DGKB: variants seen among roughly 807,000 people sequenced by gnomAD.
DGKB encodes the protein 90 kDa diacylglycerol kinase.
In DGKB, 67 loss-of-function variants were observed where a neutral mutation model predicts 114.3. That is an observed-to-expected ratio of 0.59 (90% CI 0.48 to 0.72). The LOEUF (loss-of-function observed/expected upper bound fraction) is 0.72, where lower values mean the gene tolerates loss of function less well. DGKB is among the 30% of genes least tolerant of loss of function. The pLI is 0.00. For synonymous variants in DGKB, 398 were observed against 323.1 expected (o/e 1.23, Z -2.49); for missense variants, 907 against 975.2 (o/e 0.93, Z 0.93).
intron 23 of DGKB, among the ~76,000 whole-genome samples, chr7:14,286,349 C>T (rs1306644907): frequency 6.6e-6 from 1 of 152,056 alleles, no homozygotes; most frequent in Non-Finnish European, 1.5e-5. Flanking sequence ...CACATGTTAG[C>T]ATGGTGACGA....
At chr7:14,267,152 G>C (rs527852644) in intron 23 of DGKB, among the ~76,000 whole-genome samples, 1 of 152,296 alleles carries the variant, frequency 6.6e-6, no homozygotes, top group African/African-American at 2.4e-5. Flanking sequence ...TTCTATGACT[G>C]CTTTGACCAA....
At position 14,629,832 on chromosome 7, in the gene DGKB, C is replaced by T. The variant is rs571740417; in HGVS notation, c.1167+404G>A. ...TTCAAAGTAAGCAAGAGTCTCTCAA[C>T]ATACTGCCATTGAAACTTATATTTT... On this transcript the variant is annotated intron_variant, in intron 14 of 25. Transcript: ENST00000402815. 1.3e-5 allele frequency among the ~76,000 whole-genome samples: 2 copies of T among 152,156 alleles called. 1 individual carries two copies. Among genetic ancestry groups the T allele is most frequent in the South Asian group, 4.1e-4 (2 of 4,820 alleles).
intron 25 of DGKB, among the ~76,000 whole-genome samples, chr7:14,157,785 C>T (rs1783238587): frequency 6.6e-6 from 1 of 152,136 alleles, no homozygotes; most frequent in South Asian, 2.1e-4. Context: ...CAATTTTAAA[C>T]CAGTAACTGT....
chr7:14,917,790 T>A (rs139506227), intron 1 of DGKB, among the ~76,000 whole-genome samples: 32 of 152,132 alleles, frequency 2.1e-4, no homozygotes, highest in Middle Eastern at 3.4e-3. Context: ...ATTACCCTCA[T>A]ATCTAAATCT....
Position 14,170,393 on chromosome 7 carries a change from G to T in DGKB, c.2304+6446C>A, listed in dbSNP as rs942633483. 3.3e-5 allele frequency among the ~76,000 whole-genome samples: 5 copies of T among 152,192 alleles called. No homozygotes were observed. In the East Asian group the frequency reaches 9.7e-4, roughly 30 times the overall value. ...ATAACTTTACTGACATCTTAGGGTT[G>T]CTGTGGAAATTAAATAAGTAATAAA... On this transcript the variant is annotated intron_variant, in intron 25 of 25. Transcript: ENST00000402815.
chr7:14,623,529 C>G (rs1808026784), intron 14 of DGKB, among the ~76,000 whole-genome samples: 1 of 152,140 alleles, frequency 6.6e-6, no homozygotes, highest in Non-Finnish European at 1.5e-5. Flanking sequence ...GAAAGTAAAG[C>G]TGTTTTTAAA....
chr7:14,349,319 G>A (rs1206180314), intron 21 of DGKB, among the ~76,000 whole-genome samples: 1 of 152,044 alleles, frequency 6.6e-6, no homozygotes, highest in Admixed American at 6.6e-5. Context: ...AAAGAGATAT[G>A]GGTTTATATT....
chr7:14,149,546 TA>T (rs1168292541), intron 25 of DGKB, among the ~76,000 whole-genome samples: 1 of 152,146 alleles, frequency 6.6e-6, no homozygotes, highest in African/African-American at 2.4e-5. Context: ...TTGCTTAGGT[TA>T]CATGATTATC....
chr7:14,759,360 C>T (rs1473819555), intron 2 of DGKB, among the ~76,000 whole-genome samples: 2 of 152,152 alleles, frequency 1.3e-5, no homozygotes, highest in Non-Finnish European at 2.9e-5. Flanking sequence ...AATCCCATAA[C>T]ATTTTCATCA....
intron 12 of DGKB, among the ~76,000 whole-genome samples, chr7:14,678,321 G>A (rs1207985986): frequency 6.6e-6 from 1 of 151,994 alleles, no homozygotes; most frequent in Non-Finnish European, 1.5e-5. Flanking sequence ...CTTTGGATGT[G>A]GAATGTAAGT....
chr7:14,638,247 G>A (rs1811109527), intron 13 of DGKB, among the ~76,000 whole-genome samples: 1 of 151,950 alleles, frequency 6.6e-6, no homozygotes, highest in African/African-American at 2.4e-5. Flanking sequence ...AAATTTAGTA[G>A]TAACTATAAG....
At chr7:14,842,186 G>C (rs1344956000) in intron 1 of DGKB, among the ~76,000 whole-genome samples, 2 of 152,184 alleles carry the variant, frequency 1.3e-5, no homozygotes, top group Non-Finnish European at 2.9e-5. Flanking sequence ...TATTTAGTAA[G>C]AGTTACTTTT....
chr7:14,425,889 G>A (rs1331454496), intron 21 of DGKB, among the ~76,000 whole-genome samples: 2 of 152,038 alleles, frequency 1.3e-5, no homozygotes, highest in Admixed American at 6.6e-5. Context: ...CAGTAAAATC[G>A]TTATGTTCCT....
chr7:14,477,947 T>A (rs1482255241), intron 21 of DGKB, among the ~76,000 whole-genome samples: 2 of 152,034 alleles, frequency 1.3e-5, no homozygotes, highest in Non-Finnish European at 2.9e-5. Flanking sequence ...GAAATAGAGA[T>A]GACCCATTGC....
At chr7:14,572,297 A>T (rs892215091) in intron 20 of DGKB, among the ~76,000 whole-genome samples, 15 of 151,426 alleles carry the variant, frequency 9.9e-5, no homozygotes, top group African/African-American at 3.6e-4. Flanking sequence ...CAAAAAAAAA[A>T]AAAAATTAGC....
chr7:14,620,233 T>G (rs1243423956), intron 15 of DGKB, among the ~76,000 whole-genome samples: 2 of 151,350 alleles, frequency 1.3e-5, no homozygotes, highest in Non-Finnish European at 3.0e-5. Flanking sequence ...ATAATTTTAT[T>G]ATTCAGAATT....
chr7:14,505,986 G>A (rs550721691), intron 20 of DGKB, among the ~76,000 whole-genome samples: 3 of 151,942 alleles, frequency 2.0e-5, no homozygotes, highest in South Asian at 4.1e-4. Flanking sequence ...ATATCGTCAA[G>A]TGTAAGTAAT....
upstream of DGKB, among the ~76,000 whole-genome samples, chr7:14,906,627 T>C (rs577387639): frequency 6.6e-6 from 1 of 151,976 alleles, no homozygotes; most frequent in African/African-American, 2.4e-5. Context: ...CTAATTTTTG[T>C]ATTTTAGTGG....
At chr7:14,500,692 T>A (rs1340713285) in intron 20 of DGKB, among the ~76,000 whole-genome samples, 1 of 151,634 alleles carries the variant, frequency 6.6e-6, no homozygotes, top group African/African-American at 2.4e-5. Context: ...TGCCTGGTAG[T>A]TGGGTGTGAA....
Sources: gnomAD v4.1 joint callset for allele counts (sites outside exome capture counted in the v4.1 genomes callset) on GRCh38, gnomAD v4.1.1 for gene constraint, MANE v1.5 for transcripts, NCBI Gene and HGNC (gene_info 2026-07-23, HGNC 2026-07-21) for gene names.